ZNF280D: variants seen among roughly 807,000 people sequenced by gnomAD.
The protein encoded by ZNF280D is zinc finger protein 280D.
Under a neutral mutation model 94.7 loss-of-function variants are expected in ZNF280D, and 39 were observed. The ratio of observed to expected loss-of-function variants is 0.41; its 90% CI spans 0.32 to 0.54. The LOEUF is 0.54. Ranked by LOEUF, ZNF280D falls within the 20% of genes least tolerant of loss-of-function variation. The pLI is 0.22. For synonymous variants in ZNF280D, 398 were observed against 377.6 expected, an observed-to-expected ratio of 1.05 and a Z score of -0.63; for missense variants, 1,090 against 1,149.3, an observed-to-expected ratio of 0.95 and a Z score of 0.75.
At chr15:56,647,440 G>A (rs1322263014) in intron 19 of ZNF280D, among the ~76,000 whole-genome samples, 1 of 152,026 alleles carries the variant, frequency 6.6e-6, no homozygotes, top group Admixed American at 6.6e-5. Flanking sequence ...TTGGATTTGT[G>A]GTGCTTACAG....
At chr15:56,675,367 G>A (rs143122057) in intron 13 of ZNF280D, among the ~76,000 whole-genome samples, 76 of 151,860 alleles carry the variant, frequency 5.0e-4, no homozygotes, top group Admixed American at 1.1e-3. Flanking sequence ...GATGAAATAC[G>A]GGGTATCAAG....
At chr15:56,652,566 A>G (rs2053269625) in intron 19 of ZNF280D, 8 of 892,366 alleles carry the variant, frequency 9.0e-6, no homozygotes, top group African/African-American at 1.8e-5. Context: ...AAATAAACAC[A>G]TGACAAATTT....
At chr15:56,730,018 T>C (rs2056919573) in intron 1 of ZNF280D, 1 of 152,208 alleles carries the variant, frequency 6.6e-6, no homozygotes, top group Non-Finnish European at 1.5e-5. Flanking sequence ...TAAGTTGTTT[T>C]ACATTATGCT....
chr15:56,720,786 T>C (rs1056239336), intron 1 of ZNF280D, among the ~76,000 whole-genome samples: 16 of 152,112 alleles, frequency 1.1e-4, no homozygotes, highest in Non-Finnish European at 5.9e-5. Context: ...GCACTATCAA[T>C]GAGCAGTAAT....
chr15:56,651,841 C>G (rs1173817662), intron 19 of ZNF280D, among the ~76,000 whole-genome samples: 1 of 151,984 alleles, frequency 6.6e-6, no homozygotes, highest in East Asian at 1.9e-4. Flanking sequence ...AGACACAAAA[C>G]CCAAGGATAT....
intron 16 of ZNF280D, among the ~76,000 whole-genome samples, chr15:56,661,977 G>C (rs1007638762): frequency 6.6e-6 from 1 of 152,242 alleles, no homozygotes; most frequent in African/African-American, 2.4e-5. Context: ...ATCCAGACTT[G>C]TTTGATTCTT....
At chr15:56,712,542 C>T (rs1159760734) in intron 1 of ZNF280D, among the ~76,000 whole-genome samples, 2 of 120,710 alleles carry the variant, frequency 1.7e-5, no homozygotes, top group Non-Finnish European at 3.2e-5. Flanking sequence ...TGCAGTGAGC[C>T]GAGACTGGGC....
At chr15:56,681,805 T>C (rs1426481626) in intron 10 of ZNF280D, among the ~76,000 whole-genome samples, 1 of 152,118 alleles carries the variant, frequency 6.6e-6, no homozygotes, top group Admixed American at 6.5e-5. Context: ...TGATAATTTT[T>C]CCTGCAAGAT....
intron 1 of ZNF280D, chr15:56,725,051 T>C (rs1380615392): frequency 9.4e-6 from 3 of 317,746 alleles, no homozygotes. Flanking sequence ...ATTAGGATTA[T>C]ACCTAAAACC....
chr15:56,699,347 C>T, intron 6 of ZNF280D: 1 of 939,722 alleles, frequency 1.1e-6, no homozygotes, highest in Non-Finnish European at 1.3e-6. Context: ...CTCACTCAAT[C>T]AAAATCACTA....
At chr15:56,669,267 G>T (rs1299906211) in intron 13 of ZNF280D, among the ~76,000 whole-genome samples, 1 of 151,938 alleles carries the variant, frequency 6.6e-6, no homozygotes, top group Non-Finnish European at 1.5e-5. Flanking sequence ...CACATACTTT[G>T]AAAATGAGAT....
At chr15:56,661,019 A>G (rs932232718) in intron 16 of ZNF280D, among the ~76,000 whole-genome samples, 1 of 152,166 alleles carries the variant, frequency 6.6e-6, no homozygotes, top group East Asian at 1.9e-4. Context: ...ATGAATGCCC[A>G]AAAAATATTT....
intron 1 of ZNF280D, among the ~76,000 whole-genome samples, chr15:56,732,017 AAATATCAACG>A (rs2058917847): frequency 6.6e-6 from 1 of 152,182 alleles, no homozygotes; most frequent in Non-Finnish European, 1.5e-5. Context: ...TAAAGTATAA[AAATATCAACG>A]AAAGGGCAAC....
chr15:56,661,786 A>T (rs1475554850), intron 16 of ZNF280D, among the ~76,000 whole-genome samples: 4 of 152,220 alleles, frequency 2.6e-5, no homozygotes, highest in Non-Finnish European at 5.9e-5. Flanking sequence ...CCTAATAATG[A>T]CAACTTAGAA....
intron 17 of ZNF280D, among the ~76,000 whole-genome samples, chr15:56,656,458 T>C (rs926656132): frequency 5.3e-5 from 8 of 152,158 alleles, no homozygotes; most frequent in Admixed American, 2.0e-4. Flanking sequence ...GAGGTAAAAA[T>C]TGAATTAAAC....
chr15:56,694,860 T>C (rs1468050044), intron 6 of ZNF280D, among the ~76,000 whole-genome samples: 18 of 152,148 alleles, frequency 1.2e-4, no homozygotes, highest in African/African-American at 4.3e-4. Flanking sequence ...AATTACCCAG[T>C]TGTGATAAGA....
intron 1 of ZNF280D, among the ~76,000 whole-genome samples, chr15:56,716,743 C>T (rs1318343875): frequency 1.3e-5 from 2 of 152,086 alleles, no homozygotes; most frequent in African/African-American, 4.8e-5. Context: ...CTATTCTATA[C>T]TAATCAACAC....
chr15:56,728,353 G>A (rs1377211010), intron 1 of ZNF280D, among the ~76,000 whole-genome samples: 1 of 152,162 alleles, frequency 6.6e-6, no homozygotes, highest in Non-Finnish European at 1.5e-5. Context: ...AGTATTGAAT[G>A]CAGGGGTATG....
At chr15:56,649,483 C>A (rs2053088088) in intron 19 of ZNF280D, among the ~76,000 whole-genome samples, 2 of 151,966 alleles carry the variant, frequency 1.3e-5, no homozygotes, top group African/African-American at 4.8e-5. Context: ...TTTTACAGTT[C>A]CTAAAGATCG....
Sources: gnomAD v4.1 joint callset for allele counts (sites outside exome capture counted in the v4.1 genomes callset) on GRCh38, gnomAD v4.1.1 for gene constraint, MANE v1.5 for transcripts, NCBI Gene and HGNC (gene_info 2026-07-23, HGNC 2026-07-21) for gene names.